Variants in TMEM131L observed in about 807,000 individuals in gnomAD.
TMEM131L encodes transmembrane 131 like.
A neutral mutation model predicts 192.2 loss-of-function variants in TMEM131L; 54 were observed. That is an observed-to-expected ratio of 0.28 (90% CI 0.23 to 0.35). The LOEUF (loss-of-function observed/expected upper bound fraction) is 0.35, where lower values mean the gene tolerates loss of function less well. Among genes scored for constraint, TMEM131L ranks in the 10% least tolerant of loss-of-function variants. TMEM131L has a pLI of 1.00. For missense variants in TMEM131L, 1,888 were observed against 1,972.9 expected, an observed-to-expected ratio of 0.96 and a Z score of 0.82; for synonymous variants, 701 against 704.9, an observed-to-expected ratio of 0.99 and a Z score of 0.09.
At chr4:153,586,099 T>A in intron 13 of TMEM131L, 110 bp from the exon 14 acceptor site, 1 of 787,426 alleles carries the variant, frequency 1.3e-6, no homozygotes, top group Non-Finnish European at 1.9e-6. Flanking sequence ...AATAACTGAG[T>A]AAAATCATAC....
rs758732445 is a variant in TMEM131L at position 153,585,618 on chromosome 4, A to G, written c.1311+7A>G. The G allele has an allele frequency of 1.9e-6, 3 of 1,576,812 alleles. No individual in the cohort carries two copies. The Admixed American group carries it at 5.3e-5, about 28-fold the overall frequency. ...GACCAAGCACATGTTAAAGGTACAT[A>G]TAGTATTTTTTCCCCAAGTTTTAGC... On this transcript the variant is annotated splice_region_variant and intron_variant, in intron 13 of 34. Transcript: ENST00000409959.
chr4:153,624,499 A>G (rs1247645249), intron 29 of TMEM131L, among the ~76,000 whole-genome samples: 1 of 152,282 alleles, frequency 6.6e-6, no homozygotes. Context: ...TCAACATAGT[A>G]AACTTTTAAC....
chr4:153,493,560 T>C (rs745480420), intron 3 of TMEM131L, among the ~76,000 whole-genome samples: 6 of 151,992 alleles, frequency 3.9e-5, no homozygotes, highest in Non-Finnish European at 8.8e-5. Context: ...CTTGGGAGGC[T>C]GAGGCAGGAG....
chr4:153,589,031 T>C (rs1305987304), intron 16 of TMEM131L, 24 bp downstream of exon 16: 1 of 1,271,166 alleles, frequency 7.9e-7, no homozygotes, highest in Admixed American at 1.7e-5. Flanking sequence ...GTCTTCTTTT[T>C]TGTTCGGTGG....
chr4:153,562,063 A>C (rs1467970549), intron 7 of TMEM131L, among the ~76,000 whole-genome samples: 4 of 149,174 alleles, frequency 2.7e-5, no homozygotes, highest in Non-Finnish European at 5.9e-5. Flanking sequence ...TTTGAGGCAG[A>C]GTCTTGCTCT....
intron 3 of TMEM131L, among the ~76,000 whole-genome samples, chr4:153,500,524 T>C (rs1374351607): frequency 6.6e-6 from 1 of 152,242 alleles, no homozygotes; most frequent in African/African-American, 2.4e-5. Context: ...CTTATTTTAA[T>C]GAAGCCCAAG....
At chr4:153,515,125 T>TA (rs1292972710) in intron 3 of TMEM131L, among the ~76,000 whole-genome samples, 2 of 152,222 alleles carry the variant, frequency 1.3e-5, no homozygotes, top group African/African-American at 2.4e-5. Context: ...TTCACCCTTT[T>TA]AAAGCATACA....
In TMEM131L at chr4:153,551,359, A is replaced by AT. The variant is rs139166122; in HGVS notation, c.308+1234dup. Among the ~76,000 whole-genome samples the AT allele has an allele frequency of 1.9e-3, 279 of 145,994 alleles. 1 individual carries two copies. The highest frequency in any genetic ancestry group is 5.0e-3 in the East Asian group (25 of 4,968). On this transcript the variant is annotated intron_variant, in intron 4 of 34. Coordinates refer to ENST00000409959, the MANE Select transcript of TMEM131L (RefSeq NM_001131007.2). ...TGCAGTGAAGGAGAATGAACTTGGA[A>AT]TTTTTTTTTTTTTTTTGAGACGGAG...
intron 3 of TMEM131L, among the ~76,000 whole-genome samples, chr4:153,475,911 G>A (rs1207224801): frequency 1.3e-5 from 2 of 152,080 alleles, no homozygotes; most frequent in Non-Finnish European, 2.9e-5. Flanking sequence ...GAGACGTCCT[G>A]GAACCAATCT....
In TMEM131L at chr4:153,612,065, A is replaced by G. The variant is rs368349899; in HGVS notation, c.3419-187A>G. Among the ~76,000 whole-genome samples, 369 of 152,236 alleles carry G rather than the reference A, an allele frequency of 2.4e-3. 4 individuals carry two copies. The South Asian group carries it at 0.039, about 16-fold the overall frequency. ...ACCTCTTTTAAAGACTTTTTGTAGAACTCTTAATATAAGTATACTTTCATC... is the reference window on the plus strand; with the variant it reads ...ACCTCTTTTAAAGACTTTTTGTAGAGCTCTTAATATAAGTATACTTTCATC... On this transcript the variant is annotated intron_variant, in intron 25 of 34. Coordinates refer to ENST00000409959, the MANE Select transcript of TMEM131L (RefSeq NM_001131007.2).
intron 7 of TMEM131L, among the ~76,000 whole-genome samples, chr4:153,559,836 C>A (rs1396547130): frequency 6.6e-6 from 1 of 152,112 alleles, no homozygotes; most frequent in Non-Finnish European, 1.5e-5. Flanking sequence ...TAAACCAAAT[C>A]CCGCTTATGG....
intron 29 of TMEM131L, among the ~76,000 whole-genome samples, chr4:153,625,836 A>G (rs1468154519): frequency 6.6e-6 from 1 of 150,710 alleles, no homozygotes; most frequent in African/African-American, 2.5e-5. Context: ...TGAACCCGGG[A>G]GGTGGAAGTT....
At chr4:153,594,504 T>C (rs1422766435) in intron 19 of TMEM131L, among the ~76,000 whole-genome samples, 3 of 152,222 alleles carry the variant, frequency 2.0e-5, no homozygotes, top group African/African-American at 7.2e-5. Flanking sequence ...GCCTTACAGG[T>C]ATTCTGTGTT....
chr4:153,507,409 T>C (rs1244190263), intron 3 of TMEM131L, among the ~76,000 whole-genome samples: 3 of 152,164 alleles, frequency 2.0e-5, no homozygotes, highest in African/African-American at 7.2e-5. Flanking sequence ...CCATGCTTGC[T>C]TTTTCTCTAG....
intron 7 of TMEM131L, among the ~76,000 whole-genome samples, chr4:153,559,830 C>T (rs1461900553): frequency 1.3e-5 from 2 of 152,108 alleles, no homozygotes. Flanking sequence ...AGAATTTAAA[C>T]CAAATCCCGC....
chr4:153,551,411 G>T (rs1419096487), intron 4 of TMEM131L, among the ~76,000 whole-genome samples: 1 of 151,462 alleles, frequency 6.6e-6, no homozygotes, highest in Non-Finnish European at 1.5e-5. Flanking sequence ...AGGCTGGAGT[G>T]CAGGGGCACA....
At chr4:153,580,421 A>G (rs369163111) in intron 7 of TMEM131L, among the ~76,000 whole-genome samples, 10 of 152,282 alleles carry the variant, frequency 6.6e-5, no homozygotes, top group African/African-American at 2.4e-4. Context: ...AGGCACACTT[A>G]GAATTTTGTT....
intron 25 of TMEM131L, among the ~76,000 whole-genome samples, chr4:153,610,234 A>G (rs571954617): frequency 6.6e-6 from 1 of 152,260 alleles, no homozygotes; most frequent in Non-Finnish European, 1.5e-5. Flanking sequence ...ATTCCCGGGA[A>G]ATAGCATTAG....
intron 3 of TMEM131L, among the ~76,000 whole-genome samples, chr4:153,533,133 T>C (rs1409870016): frequency 6.6e-6 from 1 of 152,046 alleles, no homozygotes; most frequent in Non-Finnish European, 1.5e-5. Context: ...ATTACAGGCA[T>C]GCACTACCAC....
Sources: allele counts gnomAD v4.1 joint callset (sites outside exome capture counted in the v4.1 genomes callset), GRCh38; gene constraint gnomAD v4.1.1; transcripts MANE v1.5; gene names NCBI Gene and HGNC (gene_info 2026-07-23, HGNC 2026-07-21).